The following CPNE5 variants were observed in gnomAD, a reference collection of about 807,000 sequenced individuals.
CPNE5 encodes the protein copine 5.
Under a neutral mutation model 81.1 loss-of-function variants are expected in CPNE5, and 42 were observed. The ratio of observed to expected loss-of-function variants is 0.52; its 90% CI spans 0.40 to 0.67. The LOEUF (loss-of-function observed/expected upper bound fraction) is 0.67. Ranked by LOEUF, CPNE5 falls within the 30% of genes least tolerant of loss-of-function variation. CPNE5 has a pLI of 0.00. For missense variants in CPNE5, 612 were observed against 815.5 expected, an observed-to-expected ratio of 0.75 and a Z score of 3.04; for synonymous variants, 313 against 321.5, an observed-to-expected ratio of 0.97 and a Z score of 0.28.
intron 3 of CPNE5, among the ~76,000 whole-genome samples, chr6:36,817,051 T>C (rs574308497): frequency 6.6e-6 from 1 of 152,304 alleles, no homozygotes; most frequent in South Asian, 2.1e-4. Flanking sequence ...GAAGGCCGGG[T>C]GCAGTGGCTC....
Position 36,794,580 on chromosome 6 carries a change from G to A in CPNE5, c.464+10C>T. 1 of 1,613,712 alleles carries A rather than the reference G, an allele frequency of 6.2e-7. No homozygotes were observed. The highest frequency in any genetic ancestry group is 8.5e-7 in the Non-Finnish European group (1 of 1,179,654). ...AAGGACTCCAGGGCCAGAGATGTCT[G>A]GCAACGTACCCGTTGGACACAGCTG... is the stretch of plus-strand genomic sequence containing the variant. On this transcript the variant is annotated intron_variant, in intron 7 of 20. Coordinates refer to ENST00000244751, the MANE Select transcript of CPNE5 (RefSeq NM_020939.2).
chr6:36,828,494 G>T (rs927559362), intron 1 of CPNE5, among the ~76,000 whole-genome samples: 2 of 152,040 alleles, frequency 1.3e-5, no homozygotes, highest in Non-Finnish European at 2.9e-5. Flanking sequence ...TGACCATCAC[G>T]CATCCCTGGT....
chr6:36,786,086 TG>T (rs1359164515), intron 8 of CPNE5, among the ~76,000 whole-genome samples: 1 of 151,996 alleles, frequency 6.6e-6, no homozygotes, highest in African/African-American at 2.4e-5. Context: ...TAAAATGTGC[TG>T]GATTTTCCAA....
intron 13 of CPNE5, 61 bp from the exon 14 acceptor site, chr6:36,753,156 A>G (rs1218728639): frequency 7.3e-7 from 1 of 1,375,758 alleles, no homozygotes; most frequent in African/African-American, 1.4e-5. Context: ...ATGGGTTATG[A>G]TTCGAGAGCT....
At chr6:36,800,140 C>T in intron 3 of CPNE5, 70 bp from the exon 4 acceptor site, 1 of 1,093,162 alleles carries the variant, frequency 9.1e-7, no homozygotes. Context: ...CAGGGGAGAG[C>T]ACTGGGCTCA....
intron 3 of CPNE5, among the ~76,000 whole-genome samples, 166 bp from the exon 4 acceptor site, chr6:36,800,236 G>C (rs1178887210): frequency 6.6e-6 from 1 of 152,144 alleles, no homozygotes; most frequent in African/African-American, 2.4e-5. Flanking sequence ...CAAAGCACGA[G>C]TTCTTCCATC....
chr6:36,799,763 T>G (rs1361024409), intron 4 of CPNE5, among the ~76,000 whole-genome samples: 1 of 152,194 alleles, frequency 6.6e-6, no homozygotes, highest in Non-Finnish European at 1.5e-5. Flanking sequence ...CTGGGGTGAA[T>G]GCCATTGTTC....
chr6:36,807,866 C>T (rs1039673086), intron 3 of CPNE5, among the ~76,000 whole-genome samples: 2 of 152,184 alleles, frequency 1.3e-5, no homozygotes, highest in African/African-American at 4.8e-5. Context: ...AAAAAGGCCG[C>T]AGAAAACCTA....
intron 9 of CPNE5, among the ~76,000 whole-genome samples, chr6:36,778,458 C>G (rs1046630080): frequency 6.6e-6 from 1 of 152,156 alleles, no homozygotes; most frequent in African/African-American, 2.4e-5. Context: ...GCTGTGAGGA[C>G]AGGGGGCTGG....
At chr6:36,787,109 T>G (rs1051420597) in intron 8 of CPNE5, among the ~76,000 whole-genome samples, 4 of 152,196 alleles carry the variant, frequency 2.6e-5, no homozygotes, top group Non-Finnish European at 5.9e-5. Context: ...TGTATCAACC[T>G]GCATACTTCC....
intron 3 of CPNE5, among the ~76,000 whole-genome samples, chr6:36,819,854 C>T (rs772698085): frequency 6.6e-6 from 1 of 152,182 alleles, no homozygotes; most frequent in Non-Finnish European, 1.5e-5. Flanking sequence ...TGGGATGAGG[C>T]TGCCAAGGCC....
chr6:36,817,709 T>A (rs1460142804), intron 3 of CPNE5, among the ~76,000 whole-genome samples: 4 of 152,036 alleles, frequency 2.6e-5, no homozygotes, highest in African/African-American at 9.7e-5. Context: ...GCCCCAATGG[T>A]CTGTTGGCCC....
intron 1 of CPNE5, among the ~76,000 whole-genome samples, chr6:36,835,558 G>A (rs1773417095): frequency 6.6e-6 from 1 of 152,186 alleles, no homozygotes; most frequent in Non-Finnish European, 1.5e-5. Flanking sequence ...CACTTTGGGA[G>A]GCTAAGGCTG....
intron 10 of CPNE5, among the ~76,000 whole-genome samples, chr6:36,769,462 T>C (rs1211955875): frequency 6.6e-6 from 1 of 152,232 alleles, no homozygotes; most frequent in African/African-American, 2.4e-5. Flanking sequence ...TAGCTCTATC[T>C]ATAGTTTCCT....
intron 14 of CPNE5, among the ~76,000 whole-genome samples, chr6:36,749,192 T>C (rs1432836336): frequency 1.3e-5 from 2 of 151,874 alleles, no homozygotes; most frequent in East Asian, 3.9e-4. Context: ...TGCCTCAGCC[T>C]CCCAAAGTGC....
chr6:36,749,084 G>A (rs1209582719), intron 14 of CPNE5, among the ~76,000 whole-genome samples: 1 of 151,488 alleles, frequency 6.6e-6, no homozygotes, highest in African/African-American at 2.4e-5. Context: ...CCACAGGCAC[G>A]CACCACCACA....
chr6:36,745,636 G>T (rs1031465988), intron 16 of CPNE5, 121 bp from the exon 17 acceptor site: 3 of 1,152,020 alleles, frequency 2.6e-6, no homozygotes, highest in Non-Finnish European at 3.6e-6. Context: ...CTTCTCTGGT[G>T]TGGGGTGGCG....
intron 3 of CPNE5, among the ~76,000 whole-genome samples, chr6:36,810,679 C>T (rs970902661): frequency 2.0e-5 from 3 of 152,214 alleles, no homozygotes; most frequent in Non-Finnish European, 4.4e-5. Flanking sequence ...CTGGTTCTGT[C>T]ACTGAAGGAG....
chr6:36,810,046 C>A (rs1392805967), intron 3 of CPNE5, among the ~76,000 whole-genome samples: 1 of 152,046 alleles, frequency 6.6e-6, no homozygotes, highest in Non-Finnish European at 1.5e-5. Flanking sequence ...CTCCCAGAGG[C>A]AACCCATGGT....
Sources: allele counts gnomAD v4.1 joint callset (sites outside exome capture counted in the v4.1 genomes callset), GRCh38; gene constraint gnomAD v4.1.1; transcripts MANE v1.5; gene names NCBI Gene and HGNC (gene_info 2026-07-23, HGNC 2026-07-21).